The following VPS13C variants were observed in gnomAD, a reference collection of about 807,000 sequenced individuals.
The protein encoded by VPS13C is vacuolar protein sorting 13 homolog C.
In VPS13C, 358 loss-of-function variants were observed where a neutral mutation model predicts 456.8. The ratio of observed to expected loss-of-function variants is 0.78; its 90% CI spans 0.72 to 0.86. VPS13C has a LOEUF of 0.86. Among genes scored for constraint, VPS13C ranks in the 40% least tolerant of loss-of-function variants. VPS13C has a pLI of 0.00. For missense variants in VPS13C, 4,818 were observed against 4,385.4 expected, an observed-to-expected ratio of 1.10 and a Z score of -2.79; for synonymous variants, 1,578 against 1,486.7, an observed-to-expected ratio of 1.06 and a Z score of -1.41.
rs77553818 is a variant in VPS13C at position 61,920,407 on chromosome 15, C to T, written c.7213-76G>A. 2.1e-3 allele frequency: 3,185 copies of T among 1,495,396 alleles called. 69 individuals are homozygous for T. The African/African-American group carries it at 0.04, about 19-fold the overall frequency. 92.6% of individuals were successfully genotyped at this position (1,495,396 alleles called of 1,614,324 possible). A position where few individuals can be genotyped will look rare whatever the true frequency, so the allele number is the denominator to read the frequency against. ...TCCCAAAACCTATACCATAATTACA[C>T]ATTTTTTGGAAACTAATTTTGATGA... is the stretch of plus-strand genomic sequence containing the variant. On this transcript the variant is annotated intron_variant, in intron 56 of 84. Coordinates refer to ENST00000644861, the MANE Select transcript of VPS13C (RefSeq NM_020821.3).
chr15:61,906,014 T>TAC (rs1304877722), intron 66 of VPS13C, among the ~76,000 whole-genome samples: 1 of 152,184 alleles, frequency 6.6e-6, no homozygotes, highest in Non-Finnish European at 1.5e-5. Context: ...TTCAGAGGTA[T>TAC]AACTACCTTC....
rs2140174687 is a variant in VPS13C, at chr15:61,919,382, T to C, written c.7545A>G (p.Val2515=). 6.2e-7 allele frequency: 1 copy of C among 1,604,398 alleles called. No homozygotes were observed. Residue 2515 remains valine, a synonymous_variant, in exon 58 of 85, where the codon GTA becomes GTG. Transcript: ENST00000644861. ...VARPGRRLYN[V]RNPNASHSDS... Reference sequence around the variant, plus strand: ...CAGAATGACTGGCATTGGGATTCCGTACATTATACAATCGCCGTCCAGGTC... The same window carrying C: ...CAGAATGACTGGCATTGGGATTCCGCACATTATACAATCGCCGTCCAGGTC...
chr15:61,955,882 C>T (rs539778388), intron 37 of VPS13C, among the ~76,000 whole-genome samples: 1 of 152,096 alleles, frequency 6.6e-6, no homozygotes, highest in Non-Finnish European at 1.5e-5. Context: ...TAGAAATATA[C>T]ATTATTAGTT....
In VPS13C at chr15:62,007,251, G is replaced by T. The variant is rs568593590; in HGVS notation, c.1290+57C>A. ...TTTTTGATTCAAATTACATGCAGAA[G>T]AATATTAAAGGATGATTAGACAAAT... On this transcript the variant is annotated intron_variant, in intron 15 of 84. Transcript: ENST00000644861. 51 of 1,212,468 alleles carry T rather than the reference G, an allele frequency of 4.2e-5. No homozygotes were observed. The South Asian group carries it at 1.1e-3, about 26-fold the overall frequency. The allele number at this position is 1,212,468 out of a possible 1,614,324, so 75.1% of individuals were successfully genotyped here.
In VPS13C at chr15:61,917,673, C is replaced by T. The variant is rs1463388064; in HGVS notation, c.7761-38G>A. 3.2e-6 allele frequency: 5 copies of T among 1,576,546 alleles called. No homozygotes were observed. In the East Asian group the frequency reaches 9.0e-5, roughly 28 times the overall value. ...GAAACAGTGACAATAAAGTTTTGAT[C>T]CACAACTTAAAAAAAAGCATCTCAT... is the stretch of plus-strand genomic sequence containing the variant. On this transcript the variant is annotated intron_variant, in intron 59 of 84. Coordinates refer to ENST00000644861, the MANE Select transcript of VPS13C (RefSeq NM_020821.3).
chr15:61,897,934 T>C (rs146164752), intron 66 of VPS13C, among the ~76,000 whole-genome samples: 10,887 of 150,822 alleles, frequency 0.072, 611 homozygotes, highest in East Asian at 0.21. Context: ...CAGAAGAGAG[T>C]GGGGGCCAAT....
chr15:62,011,995 A>AT, intron 12 of VPS13C, 112 bp downstream of exon 12: 1 of 657,808 alleles, frequency 1.5e-6, no homozygotes, highest in South Asian at 1.8e-5. Flanking sequence ...ATAGTAAGGT[A>AT]TAAAATTAAT....
chr15:61,899,665 C>A (rs1336458587), intron 66 of VPS13C, among the ~76,000 whole-genome samples: 14 of 150,138 alleles, frequency 9.3e-5, no homozygotes, highest in Non-Finnish European at 1.5e-5. Context: ...GGATTCACAG[C>A]CGAATTCTAC....
intron 73 of VPS13C, chr15:61,879,575 A>T (rs1030195788): frequency 2.0e-5 from 3 of 152,110 alleles, no homozygotes; most frequent in African/African-American, 7.2e-5. Context: ...CTTTGCCATT[A>T]GACTTCATGG....
intron 27 of VPS13C, 24 bp from the exon 28 acceptor site, chr15:61,969,476 A>G (rs1404351692): frequency 1.4e-6 from 2 of 1,467,034 alleles, no homozygotes; most frequent in Non-Finnish European, 1.8e-6. Flanking sequence ...AGTCAATGAA[A>G]AGTTGATAAG....
Position 62,060,354 on chromosome 15 carries a change from G to A in VPS13C, c.21C>T (p.Val7=). 1.9e-6 allele frequency: 3 copies of A among 1,601,022 alleles called. No individual in the cohort carries two copies. Among genetic ancestry groups the A allele is most frequent in the African/African-American group, 1.4e-5 (1 of 73,824 alleles). Residue 7 remains valine, a synonymous_variant, in exon 1 of 85, where the codon GTC becomes GTT. Coordinates refer to ENST00000644861, the MANE Select transcript of VPS13C (RefSeq NM_020821.3). MVLESV[V]ADLLNRFLGD... ...CCAGGAAGCGGTTCAGCAAGTCCGC[G>A]ACCACCGACTCCAGCACCATGGTGG...
intron 66 of VPS13C, among the ~76,000 whole-genome samples, chr15:61,894,517 A>T (rs1316856029): frequency 6.6e-6 from 1 of 152,162 alleles, no homozygotes. Flanking sequence ...ACATAGGGTG[A>T]ACGTGAAGGG....
chr15:61,871,706 AAAC>A (rs1204288738), intron 79 of VPS13C, among the ~76,000 whole-genome samples: 7 of 152,262 alleles, frequency 4.6e-5, no homozygotes, highest in Non-Finnish European at 1.0e-4. Flanking sequence ...AATGGGATAA[AAAC>A]AACAACAGCA....
At chr15:61,947,111 T>C (rs2044631325) in intron 43 of VPS13C, 82 bp downstream of exon 43, 2 of 881,364 alleles carry the variant, frequency 2.3e-6, no homozygotes, top group South Asian at 1.8e-5. Context: ...AGAAAACTCA[T>C]GAGAAATCTA....
intron 21 of VPS13C, among the ~76,000 whole-genome samples, 179 bp from the exon 22 acceptor site, chr15:61,981,657 G>A (rs1370906645): frequency 6.6e-6 from 1 of 152,094 alleles, no homozygotes; most frequent in African/African-American, 2.4e-5. Flanking sequence ...TCAGGAGATC[G>A]AGACCATCCT....
chr15:61,904,633 C>G (rs2043102714), intron 66 of VPS13C, among the ~76,000 whole-genome samples: 1 of 151,992 alleles, frequency 6.6e-6, no homozygotes, highest in Admixed American at 6.6e-5. Context: ...CGCAATTCCG[C>G]TGCTTGGTAT....
intron 82 of VPS13C, among the ~76,000 whole-genome samples, chr15:61,859,295 C>A (rs1033283742): frequency 3.9e-5 from 6 of 151,984 alleles, no homozygotes; most frequent in Non-Finnish European, 8.8e-5. Context: ...CCAGAGAAGT[C>A]GAGAATGCAG....
At position 61,878,597 on chromosome 15, in the gene VPS13C, G is replaced by GAA; in HGVS notation, c.10142+8_10142+9dup. On this transcript the variant is annotated intron_variant, in intron 74 of 84. Coordinates refer to ENST00000644861, the MANE Select transcript of VPS13C (RefSeq NM_020821.3). ...ACCTGCTTCTCAATGTACTCTAACA[G>GAA]AAGTCTTACTTGAATATAAGGTCAT... 1 of 1,606,116 alleles carries GAA rather than the reference G, an allele frequency of 6.2e-7. No homozygotes were observed. The highest frequency in any genetic ancestry group is 8.5e-7 in the Non-Finnish European group (1 of 1,177,256).
At position 62,034,968 on chromosome 15, in the gene VPS13C, A is replaced by G; in HGVS notation, c.272T>C (p.Val91Ala). Residue 91 changes from valine to alanine, a missense_variant, in exon 4 of 85, where the codon GTC (valine) becomes GCC (alanine). This residue lies in a region of VPS13C where 4,552 missense variants were observed against 4,130.6 expected (regional missense o/e 1.10). Coordinates refer to ENST00000644861, the MANE Select transcript of VPS13C (RefSeq NM_020821.3). The stretch of plus-strand genomic sequence containing the variant: ...CTAAAATAACATACTTGCTCCAGGG[A>G]CAACAAGCAGGTATAATCCTTCCAG... ...ATLEGLYLLV[V>A]PGASIKYDAV... 2 of 1,592,908 alleles carry G rather than the reference A, an allele frequency of 1.3e-6. No individual in the cohort carries two copies. Among genetic ancestry groups the G allele is most frequent in the Non-Finnish European group, 1.7e-6 (2 of 1,168,532 alleles).
Sources: gnomAD v4.1 joint callset for allele counts (sites outside exome capture counted in the v4.1 genomes callset) on GRCh38, gnomAD v4.1.1 for gene constraint, gnomAD v4.1.1 regional missense constraint, MANE v1.5 for transcripts, NCBI Gene and HGNC (gene_info 2026-07-23, HGNC 2026-07-21) for gene names.